Variants in ANXA4 observed in about 807,000 individuals in gnomAD.
ANXA4 encodes the protein 35-beta calcimedin.
ANXA4 carries 39 observed loss-of-function variants against 49.8 expected under a neutral mutation model. That is an observed-to-expected ratio of 0.78 (90% confidence interval 0.61 to 1.02). The LOEUF is 1.02. ANXA4 is among the 50% of genes least tolerant of loss of function. The pLI is 0.00. For synonymous variants in ANXA4, 134 were observed against 152.5 expected, an observed-to-expected ratio of 0.88 and a Z score of 0.89; for missense variants, 360 against 410.1, an observed-to-expected ratio of 0.88 and a Z score of 1.05.
chr2:69,819,424 C>T, intron 11 of ANXA4, 86 bp downstream of exon 11: 1 of 981,434 alleles, frequency 1.0e-6, no homozygotes, highest in Non-Finnish European at 1.5e-6. Flanking sequence ...CCTATCCAAA[C>T]TTTGCTCTGA....
chr2:69,812,736 C>A, intron 8 of ANXA4, 27 bp downstream of exon 8: 1 of 1,611,056 alleles, frequency 6.2e-7, no homozygotes, highest in Non-Finnish European at 8.5e-7. Context: ...CTTCTTTCTT[C>A]CAGCTTTCTT....
chr2:69,714,152 C>T (rs968255730), intron 2 of ANXA4, among the ~76,000 whole-genome samples: 1 of 152,184 alleles, frequency 6.6e-6, no homozygotes, highest in Non-Finnish European at 1.5e-5. Context: ...CTGGGAGGCT[C>T]TTCTCCTTCA....
At chr2:69,748,388 A>G (rs2105484817) in intron 1 of ANXA4, among the ~76,000 whole-genome samples, 1 of 150,668 alleles carries the variant, frequency 6.6e-6, no homozygotes, top group East Asian at 1.9e-4. Flanking sequence ...GTCTCAAAAA[A>G]AGAAAAAAAA....
At position 69,749,013 on chromosome 2, in the gene ANXA4, T is replaced by C. The variant is rs192257543; in HGVS notation, c.-47+6838T>C. Among the ~76,000 whole-genome samples, 22 of 152,284 alleles carry C rather than the reference T, an allele frequency of 1.4e-4. No individual in the cohort carries two copies. The East Asian group carries it at 4.2e-3, about 29-fold the overall frequency. On this transcript the variant is annotated intron_variant, in intron 1 of 12. Coordinates refer to ENST00000394295, the MANE Select transcript of ANXA4 (RefSeq NM_001153.5). ...CATGCGTGCACCACTGTGCCTGGCC[T>C]ACACCCTACTTTTTAGAGGAAAGAG...
At chr2:69,798,233 G>A (rs777328732) in intron 3 of ANXA4, among the ~76,000 whole-genome samples, 13 of 152,196 alleles carry the variant, frequency 8.5e-5, no homozygotes, top group Non-Finnish European at 1.9e-4. Context: ...TCCCCTGTCT[G>A]TAAAAAGTCA....
chr2:69,793,306 T>G (rs1399415783), intron 3 of ANXA4, among the ~76,000 whole-genome samples: 2 of 151,882 alleles, frequency 1.3e-5, no homozygotes, highest in African/African-American at 4.8e-5. Flanking sequence ...GTATTTGACC[T>G]GCATAATTTA....
At chr2:69,769,843 A>G (rs1026249099) in intron 1 of ANXA4, among the ~76,000 whole-genome samples, 7 of 151,968 alleles carry the variant, frequency 4.6e-5, no homozygotes, top group Admixed American at 3.3e-4. Context: ...TTGTATTTTT[A>G]GTAGAGATGG....
At chr2:69,706,755 T>C (rs1163831182) in intron 2 of ANXA4, among the ~76,000 whole-genome samples, 26 of 152,204 alleles carry the variant, frequency 1.7e-4, no homozygotes, top group Non-Finnish European at 1.5e-4. Flanking sequence ...TACGTGACCT[T>C]TTGTGTCTAG....
intron 1 of ANXA4, among the ~76,000 whole-genome samples, chr2:69,742,540 T>G (rs72903048): frequency 0.042 from 6,325 of 152,318 alleles, 434 homozygotes; most frequent in African/African-American, 0.14. Flanking sequence ...AGCTAACTCC[T>G]CCTAACACCT....
intron 2 of ANXA4, among the ~76,000 whole-genome samples, chr2:69,713,209 G>T (rs1678733630): frequency 6.6e-6 from 1 of 152,068 alleles, no homozygotes. Flanking sequence ...TGAAAGGATG[G>T]AAGGAAGGTA....
chr2:69,801,519 C>G (rs1157312563), intron 3 of ANXA4, among the ~76,000 whole-genome samples: 1 of 152,012 alleles, frequency 6.6e-6, no homozygotes, highest in African/African-American at 2.4e-5. Flanking sequence ...ATTCTCATGC[C>G]TCAGCCTCCT....
chr2:69,822,226 T>A (rs1674274834), intron 12 of ANXA4, among the ~76,000 whole-genome samples: 1 of 151,980 alleles, frequency 6.6e-6, no homozygotes, highest in African/African-American at 2.4e-5. Flanking sequence ...CCGGGTGTGG[T>A]GGTGCACGCC....
At chr2:69,684,267 C>T (rs913140675) in intron 2 of ANXA4, among the ~76,000 whole-genome samples, 4 of 152,190 alleles carry the variant, frequency 2.6e-5, no homozygotes, top group African/African-American at 9.7e-5. Context: ...AAAGGAATCT[C>T]TTATCAAATA....
intron 2 of ANXA4, among the ~76,000 whole-genome samples, chr2:69,689,099 C>CT (rs1399446737): frequency 1.6e-4 from 24 of 150,348 alleles, no homozygotes; most frequent in South Asian, 4.2e-4. Flanking sequence ...TTTTCTTTTC[C>CT]TTTTTTTTTG....
intron 9 of ANXA4, chr2:69,817,206 C>T (rs925491504): frequency 8.6e-5 from 13 of 152,036 alleles, no homozygotes; most frequent in Non-Finnish European, 1.6e-4. Context: ...AGAATTTTCA[C>T]TTCTGGGTAC....
At chr2:69,683,212 C>A (rs1462518286) in intron 2 of ANXA4, among the ~76,000 whole-genome samples, 1 of 152,114 alleles carries the variant, frequency 6.6e-6, no homozygotes, top group African/African-American at 2.4e-5. Context: ...CTGCTAAATG[C>A]GGCTAAAAGT....
chr2:69,726,221 C>G (rs1669959812), intron 3 of ANXA4, among the ~76,000 whole-genome samples: 1 of 152,142 alleles, frequency 6.6e-6, no homozygotes, highest in Non-Finnish European at 1.5e-5. Flanking sequence ...GGCACTTCCC[C>G]CCTCACTCTC....
chr2:69,744,308 AAAACAAACAAAC>A (rs565428337), intron 1 of ANXA4, among the ~76,000 whole-genome samples: 1 of 152,184 alleles, frequency 6.6e-6, no homozygotes, highest in South Asian at 2.1e-4. Context: ...CCCTGTCTGA[AAAACAAACAAAC>A]AAACAAACAA....
rs190764383 is a variant in ANXA4, at chr2:69,659,645, G to A, written n.766+6363G>A. Among the ~76,000 whole-genome samples the A allele has an allele frequency of 7.4e-4, 113 of 152,282 alleles. 1 individual carries two copies. Among genetic ancestry groups the A allele is most frequent in the Middle Eastern group, 3.4e-3 (1 of 294 alleles). On this transcript the variant is annotated intron_variant and non_coding_transcript_variant, in intron 2 of 3. Coordinates refer to the ANXA4 transcript ENST00000418066. ...GTATAAAAATCAGCAATAGAGCAGG[G>A]CATGGTGGCTCACGCCTGTAATCCT...
Sources: allele counts gnomAD v4.1 joint callset (sites outside exome capture counted in the v4.1 genomes callset), GRCh38; gene constraint gnomAD v4.1.1; transcripts MANE v1.5; gene names NCBI Gene and HGNC (gene_info 2026-07-23, HGNC 2026-07-21).